Variants in ZNF804B observed in about 807,000 individuals in gnomAD.
ZNF804B encodes the protein zinc finger protein 804B.
In ZNF804B, 80 loss-of-function variants were observed where a neutral mutation model predicts 101.4. That is an observed-to-expected ratio of 0.79 (90% CI 0.66 to 0.95). The LOEUF is 0.95. Among genes scored for constraint, ZNF804B ranks in the 40% least tolerant of loss-of-function variants. The pLI, the probability that ZNF804B is intolerant of heterozygous loss-of-function variation, is 0.00. For missense variants in ZNF804B, 1,673 were observed against 1,561.9 expected, an observed-to-expected ratio of 1.07 and a Z score of -1.20; for synonymous variants, 622 against 558.8, an observed-to-expected ratio of 1.11 and a Z score of -1.59.
intron 1 of ZNF804B, among the ~76,000 whole-genome samples, chr7:89,205,059 A>G (rs1584052586): frequency 6.6e-6 from 1 of 152,286 alleles, no homozygotes; most frequent in South Asian, 2.1e-4. Flanking sequence ...CATGTCTTAC[A>G]TGGCAGCAGG....
At chr7:89,273,270 G>A (rs1789926619) in intron 2 of ZNF804B, among the ~76,000 whole-genome samples, 1 of 151,930 alleles carries the variant, frequency 6.6e-6, no homozygotes, top group Admixed American at 6.6e-5. Flanking sequence ...GTAGACAATA[G>A]GGTCATCAAA....
intron 1 of ZNF804B, among the ~76,000 whole-genome samples, chr7:88,791,040 T>G (rs1030990710): frequency 1.3e-5 from 2 of 152,116 alleles, no homozygotes; most frequent in Non-Finnish European, 2.9e-5. Flanking sequence ...CTTTTTAATA[T>G]GTTCAGTGAC....
intron 1 of ZNF804B, among the ~76,000 whole-genome samples, chr7:89,033,508 C>A (rs1387054602): frequency 6.6e-6 from 1 of 152,006 alleles, no homozygotes; most frequent in Non-Finnish European, 1.5e-5. Flanking sequence ...TAGAGTAATT[C>A]TATTTTTAGT....
intron 1 of ZNF804B, among the ~76,000 whole-genome samples, chr7:88,915,479 T>G (rs571649700): frequency 6.6e-6 from 1 of 152,154 alleles, no homozygotes; most frequent in East Asian, 1.9e-4. Context: ...ATGAACTTAA[T>G]GATTGAAATG....
intron 1 of ZNF804B, among the ~76,000 whole-genome samples, chr7:88,844,706 C>T (rs752359088): frequency 6.6e-6 from 1 of 152,094 alleles, no homozygotes; most frequent in Non-Finnish European, 1.5e-5. Context: ...TGTGGTTTTC[C>T]CTTCCCCGTC....
chr7:88,926,868 T>C (rs773735327), intron 1 of ZNF804B, among the ~76,000 whole-genome samples: 30 of 151,414 alleles, frequency 2.0e-4, no homozygotes, highest in Non-Finnish European at 4.1e-4. Context: ...GACTTTTTAT[T>C]TTTTGCTAAA....
At chr7:88,991,638 C>T (rs966426670) in intron 1 of ZNF804B, among the ~76,000 whole-genome samples, 9 of 152,146 alleles carry the variant, frequency 5.9e-5, no homozygotes, top group African/African-American at 2.2e-4. Context: ...TGTGGGGTAG[C>T]CCTCCTCTGC....
intron 1 of ZNF804B, among the ~76,000 whole-genome samples, chr7:88,816,578 G>A (rs1430033831): frequency 6.6e-6 from 1 of 151,196 alleles, no homozygotes; most frequent in East Asian, 2.0e-4. Context: ...CAAAGGATAT[G>A]AACAGACACT....
intron 1 of ZNF804B, among the ~76,000 whole-genome samples, chr7:89,051,768 T>A (rs1789209164): frequency 6.6e-6 from 1 of 152,156 alleles, no homozygotes; most frequent in African/African-American, 2.4e-5. Flanking sequence ...TATAGTGTCA[T>A]GGTTACAAGC....
At chr7:89,096,294 G>A (rs185909474) in intron 1 of ZNF804B, among the ~76,000 whole-genome samples, 4 of 152,120 alleles carry the variant, frequency 2.6e-5, no homozygotes, top group South Asian at 2.1e-4. Context: ...GGATCAGAAT[G>A]TAAGTGTGGA....
intron 1 of ZNF804B, among the ~76,000 whole-genome samples, chr7:88,764,270 C>T (rs1789946382): frequency 6.6e-6 from 1 of 152,024 alleles, no homozygotes; most frequent in Non-Finnish European, 1.5e-5. Flanking sequence ...TATTATTACT[C>T]TTTTGAAGTT....
At chr7:88,972,686 C>CT (rs1382667066) in intron 1 of ZNF804B, among the ~76,000 whole-genome samples, 1 of 150,738 alleles carries the variant, frequency 6.6e-6, no homozygotes, top group African/African-American at 2.4e-5. Context: ...TGAAACTGTC[C>CT]TTTAAAAAAA....
Position 88,768,802 on chromosome 7 carries a change from T to A in ZNF804B, c.108+8718T>A, listed in dbSNP as rs537469609. Reference sequence around the variant, plus strand: ...TATTATACCTAAATGTATTTCTCTCTTTGGGTATTACTTCTGGCCACTGAT... The same window carrying A: ...TATTATACCTAAATGTATTTCTCTCATTGGGTATTACTTCTGGCCACTGAT... On this transcript the variant is annotated intron_variant, in intron 1 of 3. Coordinates refer to ENST00000333190, the MANE Select transcript of ZNF804B (RefSeq NM_181646.5). Among the ~76,000 whole-genome samples the A allele has an allele frequency of 3.9e-5, 6 of 152,354 alleles. No homozygotes were observed. In the South Asian group the frequency reaches 1.2e-3, roughly 32 times the overall value.
intron 1 of ZNF804B, among the ~76,000 whole-genome samples, chr7:88,979,904 CT>C (rs555556719): frequency 2.8e-3 from 417 of 147,998 alleles, no homozygotes; most frequent in African/African-American, 9.3e-3. Context: ...TCATTCTTTT[CT>C]TTTTTTTTTC....
At chr7:89,151,048 C>T (rs1451648781) in intron 1 of ZNF804B, among the ~76,000 whole-genome samples, 1 of 152,062 alleles carries the variant, frequency 6.6e-6, no homozygotes, top group Non-Finnish European at 1.5e-5. Flanking sequence ...GCTCCTATTG[C>T]ATATGATGTA....
At chr7:89,039,122 T>C (rs542388036) in intron 1 of ZNF804B, among the ~76,000 whole-genome samples, 2 of 152,080 alleles carry the variant, frequency 1.3e-5, no homozygotes, top group Non-Finnish European at 2.9e-5. Flanking sequence ...GGCTGTGTTC[T>C]TTTTTCTTAA....
At chr7:89,200,427 AT>A (rs1240422219) in intron 1 of ZNF804B, among the ~76,000 whole-genome samples, 1 of 151,920 alleles carries the variant, frequency 6.6e-6, no homozygotes, top group Admixed American at 6.6e-5. Flanking sequence ...GAGATCATAA[AT>A]CTCCTCTTAA....
intron 1 of ZNF804B, among the ~76,000 whole-genome samples, chr7:89,002,313 A>G (rs918706660): frequency 3.3e-5 from 5 of 151,986 alleles, no homozygotes; most frequent in Admixed American, 1.3e-4. Context: ...ATTGATACTC[A>G]CATTGAAAAA....
chr7:88,991,031 C>A (rs1028350502), intron 1 of ZNF804B, among the ~76,000 whole-genome samples: 2 of 152,050 alleles, frequency 1.3e-5, no homozygotes, highest in Admixed American at 6.6e-5. Flanking sequence ...AGTCATTGAT[C>A]TTCTAGGAAT....
Sources: gnomAD v4.1 joint callset for allele counts (sites outside exome capture counted in the v4.1 genomes callset) on GRCh38, gnomAD v4.1.1 for gene constraint, MANE v1.5 for transcripts, NCBI Gene and HGNC (gene_info 2026-07-23, HGNC 2026-07-21) for gene names.